The following RNGTT variants were observed in gnomAD, a reference collection of about 807,000 sequenced individuals.
The protein encoded by RNGTT is mRNA-capping enzyme.
RNGTT carries 33 observed loss-of-function variants against 79.3 expected under a neutral mutation model. The observed-to-expected ratio is 0.42, with a 90% CI of 0.32 to 0.56. The LOEUF (loss-of-function observed/expected upper bound fraction) is 0.56, where lower values mean the gene tolerates loss of function less well. Among genes scored for constraint, RNGTT ranks in the 20% least tolerant of loss-of-function variants. The pLI, the probability that RNGTT is intolerant of heterozygous loss-of-function variation, is 0.17. For synonymous variants in RNGTT, 222 were observed against 235.9 expected, an observed-to-expected ratio of 0.94 and a Z score of 0.54; for missense variants, 497 against 739.1, an observed-to-expected ratio of 0.67 and a Z score of 3.80.
chr6:88,697,980 A>G (rs1425334207), intron 13 of RNGTT, among the ~76,000 whole-genome samples: 1 of 106,030 alleles, frequency 9.4e-6, no homozygotes, highest in Non-Finnish European at 1.6e-5. Flanking sequence ...ATACATATAT[A>G]TGATATATAT....
chr6:88,849,959 C>T (rs1582540430), intron 9 of RNGTT, 133 bp from the exon 10 acceptor site: 2 of 768,504 alleles, frequency 2.6e-6, no homozygotes, highest in Admixed American at 4.4e-5. Flanking sequence ...AAAGTGAACA[C>T]ACTTGTACCC....
intron 11 of RNGTT, among the ~76,000 whole-genome samples, chr6:88,842,655 A>C (rs1333910008): frequency 6.6e-6 from 1 of 152,228 alleles, no homozygotes. Flanking sequence ...AAATGTAATC[A>C]TCAGACAAAA....
At chr6:88,897,785 G>A (rs1452121134) in intron 6 of RNGTT, among the ~76,000 whole-genome samples, 1 of 152,142 alleles carries the variant, frequency 6.6e-6, no homozygotes, top group Non-Finnish European at 1.5e-5. Context: ...TACAGTTTAT[G>A]CTGAATAAAT....
chr6:88,634,659 C>T (rs1773030326), intron 14 of RNGTT, among the ~76,000 whole-genome samples: 1 of 151,930 alleles, frequency 6.6e-6, no homozygotes, highest in South Asian at 2.1e-4. Flanking sequence ...ACTGATAAGA[C>T]CAAAATTCAA....
intron 13 of RNGTT, among the ~76,000 whole-genome samples, chr6:88,727,153 C>A (rs540281346): frequency 6.6e-6 from 1 of 151,988 alleles, no homozygotes; most frequent in South Asian, 2.1e-4. Flanking sequence ...AGTTATAAAA[C>A]GGAATTTATG....
intron 8 of RNGTT, among the ~76,000 whole-genome samples, chr6:88,878,670 T>C (rs943374324): frequency 2.6e-5 from 4 of 152,200 alleles, no homozygotes; most frequent in African/African-American, 9.7e-5. Context: ...GATAAATTCT[T>C]ATTTAATTCC....
chr6:88,672,232 TATATATACACACACACAC>T (rs1774675264), intron 14 of RNGTT, among the ~76,000 whole-genome samples: 1 of 150,076 alleles, frequency 6.7e-6, no homozygotes, highest in South Asian at 2.1e-4. Flanking sequence ...CACACACACA[TATATATACACACACACAC>T]ATATATACAC....
At chr6:88,814,923 G>C (rs1008938388) in intron 11 of RNGTT, among the ~76,000 whole-genome samples, 3 of 152,152 alleles carry the variant, frequency 2.0e-5, no homozygotes, top group African/African-American at 4.8e-5. Flanking sequence ...TGTTTAAATA[G>C]GTGTGTTGAG....
chr6:88,951,385 AC>A (rs1362661100), intron 1 of RNGTT, among the ~76,000 whole-genome samples: 1 of 152,050 alleles, frequency 6.6e-6, no homozygotes, highest in Non-Finnish European at 1.5e-5. Context: ...GGGAGAATTG[AC>A]TCCACCCCTG....
intron 2 of RNGTT, among the ~76,000 whole-genome samples, chr6:88,929,674 C>T (rs561675548): frequency 2.8e-4 from 42 of 152,086 alleles, no homozygotes; most frequent in East Asian, 2.3e-3. Flanking sequence ...CTCAAGCTCT[C>T]GGCACAAATC....
Position 88,616,675 on chromosome 6 carries a change from TGTATACTTTCTTCA to T in RNGTT, c.1507-2294_1507-2281del, listed in dbSNP as rs1369209441. Among the ~76,000 whole-genome samples, 38 of 152,236 alleles carry T rather than the reference TGTATACTTTCTTCA, an allele frequency of 2.5e-4. 1 individual carries two copies. Among genetic ancestry groups the T allele is most frequent in the Admixed American group, 4.6e-4 (7 of 15,286 alleles). On this transcript the variant is annotated intron_variant, in intron 14 of 15. Coordinates refer to ENST00000369485, the MANE Select transcript of RNGTT (RefSeq NM_003800.5). ...AGAATCTTTCCATGTGCTTATTGGC[TGTATACTTTCTTCA>T]GTATACTTTCTTCAGTATACAAGAA...
At chr6:88,659,527 G>A (rs999822374) in intron 14 of RNGTT, among the ~76,000 whole-genome samples, 2 of 151,532 alleles carry the variant, frequency 1.3e-5, no homozygotes, top group African/African-American at 4.9e-5. Context: ...CAATAGACTA[G>A]AACAAGTAGA....
At chr6:88,772,797 A>G (rs959029154) in intron 12 of RNGTT, among the ~76,000 whole-genome samples, 18 of 151,818 alleles carry the variant, frequency 1.2e-4, no homozygotes, top group Non-Finnish European at 1.8e-4. Context: ...TTAGAATGGC[A>G]ATCATTAAAA....
chr6:88,878,862 CT>C (rs1782603144), intron 8 of RNGTT, among the ~76,000 whole-genome samples: 1 of 152,136 alleles, frequency 6.6e-6, no homozygotes. Context: ...ATAAGATATA[CT>C]TTTTTGTTTG....
At chr6:88,828,264 C>G (rs544021393) in intron 11 of RNGTT, among the ~76,000 whole-genome samples, 1 of 151,936 alleles carries the variant, frequency 6.6e-6, no homozygotes, top group Admixed American at 6.5e-5. Flanking sequence ...CTGGACTGGA[C>G]CCCCAGCAAA....
chr6:88,636,210 A>C (rs529629488), intron 14 of RNGTT, among the ~76,000 whole-genome samples: 1 of 152,108 alleles, frequency 6.6e-6, no homozygotes, highest in African/African-American at 2.4e-5. Context: ...TCTGATACAT[A>C]CATTTGTTGA....
intron 11 of RNGTT, among the ~76,000 whole-genome samples, chr6:88,842,073 GCAAGAATGTCTTAC>G: frequency 6.6e-6 from 1 of 152,130 alleles, no homozygotes. Context: ...ACTACCAAAA[GCAAGAATGTCTTAC>G]GAATATTCAA....
intron 4 of RNGTT, among the ~76,000 whole-genome samples, chr6:88,921,327 A>C (rs1784157974): frequency 6.6e-6 from 1 of 152,176 alleles, no homozygotes; most frequent in African/African-American, 2.4e-5. Context: ...TTTAAAAAAA[A>C]AAAAAGTAAT....
intron 12 of RNGTT, among the ~76,000 whole-genome samples, chr6:88,800,385 T>C (rs745996122): frequency 1.3e-5 from 2 of 152,202 alleles, no homozygotes; most frequent in Non-Finnish European, 2.9e-5. Flanking sequence ...AGTCTTTGAA[T>C]TAGAGATACT....
Sources: gnomAD v4.1 joint callset for allele counts (sites outside exome capture counted in the v4.1 genomes callset) on GRCh38, gnomAD v4.1.1 for gene constraint, MANE v1.5 for transcripts, NCBI Gene and HGNC (gene_info 2026-07-23, HGNC 2026-07-21) for gene names.